Variants in EPRS1 observed in about 807,000 individuals in gnomAD.
EPRS1 encodes the protein bifunctional glutamate/proline--tRNA ligase.
A neutral mutation model predicts 188.3 loss-of-function variants in EPRS1; 107 were observed. The observed-to-expected ratio is 0.57, with a 90% CI of 0.49 to 0.67. EPRS1 has a LOEUF of 0.67. Ranked by LOEUF, EPRS1 falls within the 30% of genes least tolerant of loss-of-function variation. The pLI is 0.00. For synonymous variants in EPRS1, 596 were observed against 593.1 expected (o/e 1.00, Z -0.07); for missense variants, 1,577 against 1,802.2 (o/e 0.88, Z 2.26).
chr1:219,980,262 T>C, intron 25 of EPRS1, 22 bp from the exon 26 acceptor site: 2 of 1,589,398 alleles, frequency 1.3e-6, no homozygotes, highest in East Asian at 4.5e-5. Flanking sequence ...TAAATGTAAA[T>C]GTGTTCAAAT....
In EPRS1 at chr1:220,034,937, A is replaced by C; in HGVS notation, c.208T>G (p.Ser70Ala). Residue 70 changes from serine (S) to alanine (A), a missense_variant, in exon 3 of 32, where the codon TCT becomes GCT. Transcript: ENST00000366923. Reference protein sequence around the residue: ...RVATTAGLYGSNLMEHTEIDH... With the variant: ...RVATTAGLYGANLMEHTEIDH... ...ACCTCAGTATGTTCCATCAGATTAG[A>C]GCCATATAACCCAGCTGTAGTTGCA... The C allele has an allele frequency of 6.3e-7, 1 of 1,598,658 alleles. No individual in the cohort carries two copies. Among genetic ancestry groups the C allele is most frequent in the Non-Finnish European group, 8.6e-7 (1 of 1,166,292 alleles).
intron 20 of EPRS1, among the ~76,000 whole-genome samples, chr1:219,985,709 G>C (rs1180470618): frequency 6.6e-6 from 1 of 152,116 alleles, no homozygotes; most frequent in Non-Finnish European, 1.5e-5. Context: ...CTGGCCTCAA[G>C]TTTTTCTTTT....
At chr1:219,995,965 C>T (rs142818101) in intron 18 of EPRS1, among the ~76,000 whole-genome samples, 431 of 152,318 alleles carry the variant, frequency 2.8e-3, no homozygotes, top group Non-Finnish European at 4.0e-3. Context: ...CCATACCTCT[C>T]TGTGTATGTG....
At chr1:220,015,290 C>CTGCCTCTA (rs1180523921) in intron 12 of EPRS1, among the ~76,000 whole-genome samples, 1 of 133,786 alleles carries the variant, frequency 7.5e-6, no homozygotes, top group African/African-American at 3.3e-5. Context: ...TGATGAAACC[C>CTGCCTCTA]TGCCTCTACT....
intron 28 of EPRS1, among the ~76,000 whole-genome samples, chr1:219,976,797 T>C (rs1008975408): frequency 9.9e-5 from 15 of 152,156 alleles, no homozygotes; most frequent in African/African-American, 3.6e-4. Context: ...AGCCAAATCA[T>C]GGAGGAGGCA....
At chr1:220,041,340 AAAT>A (rs1457199828) in intron 1 of EPRS1, among the ~76,000 whole-genome samples, 1 of 152,146 alleles carries the variant, frequency 6.6e-6, no homozygotes, top group Admixed American at 6.6e-5. Flanking sequence ...AAAAAAAAAA[AAAT>A]GAGAGATACT....
In EPRS1 at chr1:220,046,371, C is replaced by A; in HGVS notation, c.18G>T (p.Leu6=). Residue 6 remains leucine (L), a synonymous_variant, in exon 1 of 32, where the codon CTG becomes CTT. Coordinates refer to ENST00000366923, the MANE Select transcript of EPRS1 (RefSeq NM_004446.3). The part of the protein sequence containing the change: MATLS[L]TVNSGDPPLG... Reference sequence around the variant, plus strand: ...GCGGAGGGTCTCCTGAATTCACGGTCAGAGAGAGCGTCGCCATCTCCACCA... The same window carrying A: ...GCGGAGGGTCTCCTGAATTCACGGTAAGAGAGAGCGTCGCCATCTCCACCA... The A allele has an allele frequency of 8.1e-6, 13 of 1,614,082 alleles. No individual in the cohort carries two copies. Among genetic ancestry groups the A allele is most frequent in the Non-Finnish European group, 1.1e-5 (13 of 1,179,990 alleles).
chr1:220,036,114 T>C lies in EPRS1; in HGVS notation c.132-1101A>G, dbSNP rs1662170702. On this transcript the variant is annotated intron_variant, in intron 2 of 31. Transcript: ENST00000366923. ...ACTCAGGAGGCTGAGGCAGGAGAAC[T>C]GCTTGAACCCGGGAAGTGGAGGTTG... Among the ~76,000 whole-genome samples the C allele has an allele frequency of 2.6e-5, 4 of 152,232 alleles. No individual in the cohort carries two copies. The South Asian group carries it at 8.3e-4, about 32-fold the overall frequency.
chr1:219,997,198 C>T lies in EPRS1; in HGVS notation c.2326G>A (p.Asp776Asn). 1.2e-6 allele frequency: 2 copies of T among 1,614,082 alleles called. No homozygotes were observed. The highest frequency in any genetic ancestry group is 1.3e-5 in the African/African-American group (1 of 75,040). ...AGCTGTTTTACAGCTGCATCTACAT[C>T]TTCCTTTGGTGCTTTCTTGGCTTTT... ...ELKAKKAPKEDVDAAVKQLLS... is the reference protein window; with the variant it reads ...ELKAKKAPKENVDAAVKQLLS... Residue 776 changes from aspartate to asparagine, a missense_variant, in exon 18 of 32, where the codon GAT becomes AAT. Around this residue, in one of 3 missense-constraint regions of EPRS1, gnomAD observed 1,278 missense variants for 1,457.4 expected, o/e 0.88. Transcript: ENST00000366923.
rs1217162939 is a variant in EPRS1, at chr1:220,025,177, T to C, written c.705A>G (p.Arg235=). ...CTTTTTCAGGATTTGTGTCATCAAA[T>C]CTCATGATCAGTTTCCCTTTAAAGT... ...QVNFKGKLIM[R]FDDTNPEKEK... is the part of the protein sequence containing the mutation. Residue 235 remains arginine, a synonymous_variant, in exon 7 of 32, where the codon AGA becomes AGG. Coordinates refer to ENST00000366923, the MANE Select transcript of EPRS1 (RefSeq NM_004446.3). The C allele has an allele frequency of 1.2e-6, 2 of 1,613,466 alleles. No homozygotes were observed. The highest frequency in any genetic ancestry group is 3.3e-4 in the Middle Eastern group (2 of 6,056).
chr1:220,021,006 T>C (rs1661869375), intron 9 of EPRS1, among the ~76,000 whole-genome samples: 1 of 151,540 alleles, frequency 6.6e-6, no homozygotes, highest in Non-Finnish European at 1.5e-5. Flanking sequence ...CTCCCAGGTA[T>C]AGATGGGATT....
At chr1:220,031,514 GA>G (rs1662083826) in intron 5 of EPRS1, among the ~76,000 whole-genome samples, 1 of 152,228 alleles carries the variant, frequency 6.6e-6, no homozygotes. Flanking sequence ...GAGTAAATGT[GA>G]AAAACAGTGA....
chr1:220,026,272 T>C (rs1661970322), intron 6 of EPRS1, among the ~76,000 whole-genome samples: 1 of 152,218 alleles, frequency 6.6e-6, no homozygotes, highest in African/African-American at 2.4e-5. Flanking sequence ...ACAAAAACAC[T>C]GTTCTGCTGT....
intron 18 of EPRS1, among the ~76,000 whole-genome samples, chr1:219,992,508 T>C (rs1353795765): frequency 6.6e-6 from 1 of 152,246 alleles, no homozygotes; most frequent in East Asian, 1.9e-4. Flanking sequence ...ACTTTTTCTA[T>C]AAAGGGCTAT....
At chr1:220,022,265 A>G in intron 9 of EPRS1, 82 bp downstream of exon 9, 1 of 1,237,410 alleles carries the variant, frequency 8.1e-7, no homozygotes, top group Non-Finnish European at 1.1e-6. Context: ...TTTCTTGACT[A>G]TTTTGCTTGT....
chr1:220,006,356 G>T lies in EPRS1; in HGVS notation c.1743-43C>A, dbSNP rs543543388. ...AGTATTCAAAGAAATATTAACCACA[G>T]CTGCCATAAATTCATTATTTTGTTC... On this transcript the variant is annotated intron_variant, in intron 14 of 31. Coordinates refer to ENST00000366923, the MANE Select transcript of EPRS1 (RefSeq NM_004446.3). 8 of 772,668 alleles carry T rather than the reference G, an allele frequency of 1.0e-5. No homozygotes were observed. In the Admixed American group the frequency reaches 1.3e-4, roughly 13 times the overall value. The allele number at this position is 772,668 out of a possible 1,614,324, so 47.9% of individuals were successfully genotyped here.
intron 3 of EPRS1, 60 bp downstream of exon 3, chr1:220,034,854 T>C: frequency 6.6e-6 from 6 of 905,046 alleles, no homozygotes; most frequent in Non-Finnish European, 9.4e-6. Context: ...AATGATGAGG[T>C]TCCCATAAAA....
intron 30 of EPRS1, among the ~76,000 whole-genome samples, chr1:219,969,497 G>C (rs1660625531): frequency 6.6e-6 from 1 of 152,086 alleles, no homozygotes; most frequent in Admixed American, 6.5e-5. Context: ...TTATCAGGAG[G>C]AGAAAAGGAA....
At chr1:220,033,440 T>A in intron 4 of EPRS1, 62 bp downstream of exon 4, 2 of 1,254,268 alleles carry the variant, frequency 1.6e-6, no homozygotes, top group South Asian at 1.4e-5. Flanking sequence ...GAAATATATA[T>A]AATTTTTATC....
Sources: gnomAD v4.1 joint callset for allele counts (sites outside exome capture counted in the v4.1 genomes callset) on GRCh38, gnomAD v4.1.1 for gene constraint, gnomAD v4.1.1 regional missense constraint, MANE v1.5 for transcripts, NCBI Gene and HGNC (gene_info 2026-07-23, HGNC 2026-07-21) for gene names.